HCN1: variants seen among roughly 807,000 people sequenced by gnomAD.
HCN1 encodes potassium/sodium hyperpolarization-activated cyclic nucleotide-gated channel 1.
Under a neutral mutation model 78.9 loss-of-function variants are expected in HCN1, and 13 were observed. That is an observed-to-expected ratio of 0.16 (90% CI 0.11 to 0.26). The LOEUF (loss-of-function observed/expected upper bound fraction) is 0.26. Among genes scored for constraint, HCN1 ranks in the 10% least tolerant of loss-of-function variants. The probability of loss-of-function intolerance (pLI) is 1.00; values close to 1 mark genes in which losing one functional copy is unlikely to be tolerated. For synonymous variants in HCN1, 552 were observed against 455.5 expected, an observed-to-expected ratio of 1.21 and a Z score of -2.70; for missense variants, 810 against 1,154.3, an observed-to-expected ratio of 0.70 and a Z score of 4.32.
chr5:45,525,372 CT>C (rs1742715487), intron 2 of HCN1, among the ~76,000 whole-genome samples: 1 of 151,824 alleles, frequency 6.6e-6, no homozygotes, highest in African/African-American at 2.4e-5. Context: ...AGAAAATTAT[CT>C]TTGTCTGCAA....
At chr5:45,440,953 C>T (rs1328452212) in intron 3 of HCN1, among the ~76,000 whole-genome samples, 1 of 152,124 alleles carries the variant, frequency 6.6e-6, no homozygotes, top group Non-Finnish European at 1.5e-5. Context: ...TTTTGTTCTT[C>T]TCTCTCACTC....
chr5:45,422,087 T>C (rs984922998), intron 3 of HCN1, among the ~76,000 whole-genome samples: 2 of 152,144 alleles, frequency 1.3e-5, no homozygotes, highest in Non-Finnish European at 2.9e-5. Context: ...ATATAACAAG[T>C]GCCCTGCCCA....
At chr5:45,625,017 A>G (rs185498633) in intron 2 of HCN1, among the ~76,000 whole-genome samples, 19 of 152,258 alleles carry the variant, frequency 1.2e-4, no homozygotes, top group Admixed American at 7.2e-4. Context: ...TTGATCTAAT[A>G]GTGTGTAGCT....
chr5:45,454,903 CTCTCT>C (rs1018385935), intron 3 of HCN1, among the ~76,000 whole-genome samples: 49 of 152,112 alleles, frequency 3.2e-4, no homozygotes, highest in African/African-American at 1.2e-3. Flanking sequence ...ATAAATAGCT[CTCTCT>C]TCTCTGCCCA....
At chr5:45,584,708 CT>C (rs1202018888) in intron 2 of HCN1, among the ~76,000 whole-genome samples, 1 of 152,106 alleles carries the variant, frequency 6.6e-6, no homozygotes, top group Non-Finnish European at 1.5e-5. Context: ...TTCTGGAGCT[CT>C]TTTAGGGCAG....
chr5:45,495,123 C>A (rs1197348464), intron 2 of HCN1, among the ~76,000 whole-genome samples: 1 of 135,016 alleles, frequency 7.4e-6, no homozygotes, highest in African/African-American at 2.8e-5. Context: ...GTAGTTTTTT[C>A]CAATTCTGTG....
intron 6 of HCN1, among the ~76,000 whole-genome samples, chr5:45,280,075 T>C (rs1745129336): frequency 6.6e-6 from 1 of 152,150 alleles, no homozygotes; most frequent in African/African-American, 2.4e-5. Context: ...TCTACTCATG[T>C]ATTTCAAGAA....
At chr5:45,576,130 G>A (rs560638429) in intron 2 of HCN1, 1 of 152,218 alleles carries the variant, frequency 6.6e-6, no homozygotes, top group Non-Finnish European at 1.5e-5. Context: ...AGTAACTGCA[G>A]ATGTGTTGGA....
chr5:45,604,658 A>C (rs755476334), intron 2 of HCN1, among the ~76,000 whole-genome samples: 7 of 152,022 alleles, frequency 4.6e-5, no homozygotes, highest in Admixed American at 2.0e-4. Flanking sequence ...TGAGCTAATG[A>C]ATGCTTTAGC....
chr5:45,683,552 C>G (rs1004781128), intron 1 of HCN1, among the ~76,000 whole-genome samples: 3 of 152,072 alleles, frequency 2.0e-5, no homozygotes, highest in Non-Finnish European at 4.4e-5. Flanking sequence ...TTCCTGCTCA[C>G]CAGGTAGCTA....
intron 2 of HCN1, among the ~76,000 whole-genome samples, chr5:45,529,719 A>T (rs186032570): frequency 2.0e-5 from 3 of 152,236 alleles, no homozygotes; most frequent in African/African-American, 7.2e-5. Flanking sequence ...TTAAGGTCTT[A>T]AGGAAATCTA....
rs1298161011 is a variant in HCN1, at chr5:45,495,729, C to T, written c.850-33722G>A. Among the ~76,000 whole-genome samples the T allele has an allele frequency of 3.9e-5, 6 of 152,124 alleles. No homozygotes were observed. The East Asian group carries it at 1.2e-3, about 29-fold the overall frequency. On this transcript the variant is annotated intron_variant, in intron 2 of 7. Transcript: ENST00000303230. ...TTTTGCCCATTCACTATGATATTGGCTGTGGGTTTGTCATAGATAGCTCTT... is the reference window on the plus strand; with the variant it reads ...TTTTGCCCATTCACTATGATATTGGTTGTGGGTTTGTCATAGATAGCTCTT...
Position 45,303,693 on chromosome 5 carries a change from C to A in HCN1, c.1524G>T (p.Val508=), listed in dbSNP as rs1039268056. 1 of 1,613,480 alleles carries A rather than the reference C, an allele frequency of 6.2e-7. No individual in the cohort carries two copies. The highest frequency in any genetic ancestry group is 8.5e-7 in the Non-Finnish European group (1 of 1,179,718). Residue 508 remains valine (V), a synonymous_variant, in exon 6 of 8, where the codon GTG becomes GTT. Coordinates refer to ENST00000303230, the MANE Select transcript of HCN1 (RefSeq NM_021072.4). The part of the protein sequence containing the change: ...PGDYIIREGA[V]GKKMYFIQHG... ...GTTGAATGAAATACATTTTTTTACC[C>A]ACGGCTCCTTCTCGTATGATATAAT...
intron 2 of HCN1, among the ~76,000 whole-genome samples, chr5:45,574,228 G>T (rs1184344041): frequency 6.6e-6 from 1 of 152,072 alleles, no homozygotes; most frequent in African/African-American, 2.4e-5. Flanking sequence ...TTGCAACTCT[G>T]CATCAACCAA....
At chr5:45,481,437 A>G (rs988088147) in intron 2 of HCN1, among the ~76,000 whole-genome samples, 50 of 152,336 alleles carry the variant, frequency 3.3e-4, no homozygotes, top group Admixed American at 9.2e-4. Context: ...CAATGGATGC[A>G]GAATGAATTA....
chr5:45,593,293 C>A (rs1444356196), intron 2 of HCN1, among the ~76,000 whole-genome samples: 1 of 94,304 alleles, frequency 1.1e-5, no homozygotes, highest in Non-Finnish European at 2.2e-5. Flanking sequence ...GAGGTATATT[C>A]TCTCTCTCTC....
At chr5:45,376,343 T>C (rs1747674848) in intron 4 of HCN1, among the ~76,000 whole-genome samples, 2 of 13,968 alleles carry the variant, frequency 1.4e-4, no homozygotes, top group East Asian at 2.0e-3. Context: ...ATATATTATA[T>C]ATATATAGAG....
chr5:45,654,772 T>C (rs1462479761), intron 1 of HCN1, among the ~76,000 whole-genome samples: 3 of 152,192 alleles, frequency 2.0e-5, no homozygotes, highest in Non-Finnish European at 4.4e-5. Flanking sequence ...ACTGTGAAAT[T>C]ATGAAAAGAA....
intron 3 of HCN1, among the ~76,000 whole-genome samples, chr5:45,430,996 T>C (rs1476836402): frequency 6.6e-6 from 1 of 152,170 alleles, no homozygotes; most frequent in East Asian, 1.9e-4. Context: ...TATAATCTTG[T>C]TTTAAGTTCT....
Sources: gnomAD v4.1 joint callset for allele counts (sites outside exome capture counted in the v4.1 genomes callset) on GRCh38, gnomAD v4.1.1 for gene constraint, MANE v1.5 for transcripts, NCBI Gene and HGNC (gene_info 2026-07-23, HGNC 2026-07-21) for gene names.